Variants in NAV2 observed in about 807,000 individuals in gnomAD.
The protein encoded by NAV2 is neuron navigator 2, also known as helicase, APC down-regulated 1.
A neutral mutation model predicts 223.2 loss-of-function variants in NAV2; 54 were observed. The ratio of observed to expected loss-of-function variants is 0.24; its 90% CI spans 0.19 to 0.30. The LOEUF is 0.30. Ranked by LOEUF, NAV2 falls within the 10% of genes least tolerant of loss-of-function variation. The pLI, the probability that NAV2 is intolerant of heterozygous loss-of-function variation, is 1.00. For missense variants in NAV2, 2,806 were observed against 3,147.5 expected, an observed-to-expected ratio of 0.89 and a Z score of 2.60; for synonymous variants, 1,279 against 1,239.3, an observed-to-expected ratio of 1.03 and a Z score of -0.67.
chr11:20,024,849 C>T (rs2054893862), intron 11 of NAV2, among the ~76,000 whole-genome samples: 1 of 152,196 alleles, frequency 6.6e-6, no homozygotes, highest in South Asian at 2.1e-4. Context: ...CTGTCCCATT[C>T]TACTTAGTTT....
intron 1 of NAV2, among the ~76,000 whole-genome samples, chr11:19,699,781 A>G (rs996530263): frequency 3.3e-5 from 5 of 152,218 alleles, no homozygotes; most frequent in African/African-American, 9.7e-5. Context: ...GACTGCAATG[A>G]GAAAAGTTGA....
Position 19,378,634 on chromosome 11 carries a change from C to T in NAV2, c.75+27607C>T, listed in dbSNP as rs76107703. Reference sequence around the variant, plus strand: ...GCTGGGTGGGGGTGGGGTAGGGAGTCGCTCACGGAGGAGATGCTCCCTGTC... The same window carrying T: ...GCTGGGTGGGGGTGGGGTAGGGAGTTGCTCACGGAGGAGATGCTCCCTGTC... On this transcript the variant is annotated intron_variant, in intron 1 of 37. Transcript: ENST00000360655. Among the ~76,000 whole-genome samples the T allele has an allele frequency of 3.1e-3, 477 of 151,820 alleles. 5 individuals are homozygous for T. Among genetic ancestry groups the T allele is most frequent in the African/African-American group, 0.011 (461 of 41,272 alleles).
In NAV2 at chr11:19,646,398, T is replaced by G. The variant is rs2047817949; in HGVS notation, c.76-186086T>G. Among the ~76,000 whole-genome samples, 2 of 152,192 alleles carry G rather than the reference T, an allele frequency of 1.3e-5. 1 individual carries two copies. The highest frequency in any genetic ancestry group is 4.1e-4 in the South Asian group (2 of 4,826). ...AATATTCTTAACTGCACATCAGGCC[T>G]GTTTGAAATGGGGCAGAGAAAGTTT... is the stretch of plus-strand genomic sequence containing the variant. On this transcript the variant is annotated intron_variant, in intron 1 of 37. Transcript: ENST00000360655.
intron 11 of NAV2, among the ~76,000 whole-genome samples, chr11:20,009,386 C>T (rs749565087): frequency 1.2e-4 from 19 of 152,088 alleles, no homozygotes; most frequent in Non-Finnish European, 2.1e-4. Flanking sequence ...GGCAGGTGCT[C>T]GTTGAACTCA....
intron 17 of NAV2, among the ~76,000 whole-genome samples, chr11:20,053,218 GAAAAAAAAAAAA>G (rs60421659): frequency 4.9e-5 from 2 of 40,974 alleles, no homozygotes; most frequent in Admixed American, 4.7e-4. Flanking sequence ...ACTACGTCTC[GAAAAAAAAAAAA>G]AAAAAAAAAA....
chr11:19,455,971 T>G (rs1564950112), intron 1 of NAV2, among the ~76,000 whole-genome samples: 2 of 152,122 alleles, frequency 1.3e-5, no homozygotes, highest in Non-Finnish European at 2.9e-5. Context: ...AGCCTGACCG[T>G]GCATATTCAT....
At chr11:19,949,374 T>C (rs1045344803) in intron 10 of NAV2, among the ~76,000 whole-genome samples, 1 of 152,192 alleles carries the variant, frequency 6.6e-6, no homozygotes, top group Admixed American at 6.5e-5. Context: ...TACTTGCAGG[T>C]TAGACGGCCT....
At chr11:19,874,334 A>T (rs2062714730) in intron 4 of NAV2, among the ~76,000 whole-genome samples, 1 of 152,202 alleles carries the variant, frequency 6.6e-6, no homozygotes, top group African/African-American at 2.4e-5. Context: ...TTGCCACAAG[A>T]GTGGCCACAG....
At chr11:19,972,109 C>T (rs2049303801) in intron 10 of NAV2, among the ~76,000 whole-genome samples, 1 of 152,212 alleles carries the variant, frequency 6.6e-6, no homozygotes, top group Non-Finnish European at 1.5e-5. Context: ...TGTGGCTTTT[C>T]AGAATCACTG....
chr11:19,837,452 G>T (rs2060294708), intron 2 of NAV2, among the ~76,000 whole-genome samples: 1 of 152,162 alleles, frequency 6.6e-6, no homozygotes, highest in African/African-American at 2.4e-5. Flanking sequence ...CTTATTAGCT[G>T]CAAGGGGAAA....
At chr11:20,009,869 G>A (rs957441136) in intron 11 of NAV2, among the ~76,000 whole-genome samples, 1 of 152,078 alleles carries the variant, frequency 6.6e-6, no homozygotes. Flanking sequence ...CCTCCAGGAA[G>A]CCTTCTCTAC....
chr11:20,004,684 T>C (rs902298075), intron 11 of NAV2, among the ~76,000 whole-genome samples: 2 of 152,334 alleles, frequency 1.3e-5, no homozygotes, highest in African/African-American at 4.8e-5. Flanking sequence ...AGCACCTAAA[T>C]CCACTGGGTT....
intron 1 of NAV2, among the ~76,000 whole-genome samples, chr11:19,694,633 T>G (rs556568032): frequency 9.9e-4 from 151 of 152,342 alleles, no homozygotes; most frequent in African/African-American, 3.5e-3. Context: ...TCTGTAGAAC[T>G]CCCACTGTCA....
intron 1 of NAV2, among the ~76,000 whole-genome samples, chr11:19,633,846 T>C (rs1241357239): frequency 1.3e-5 from 2 of 152,216 alleles, no homozygotes; most frequent in Non-Finnish European, 2.9e-5. Context: ...CAAGCTCTAC[T>C]ACTTACCAGC....
At chr11:20,076,748 C>T (rs2059781229) in intron 22 of NAV2, among the ~76,000 whole-genome samples, 1 of 152,196 alleles carries the variant, frequency 6.6e-6, no homozygotes, top group Admixed American at 6.5e-5. Flanking sequence ...TTTCCCCATT[C>T]TTAAACTTAC....
At chr11:20,105,464 G>C in intron 34 of NAV2, 67 bp from the exon 35 acceptor site, 1 of 1,392,364 alleles carries the variant, frequency 7.2e-7, no homozygotes, top group Non-Finnish European at 1.0e-6. Context: ...ACGTGCTTTG[G>C]TTCCTGAGGT....
At position 19,741,231 on chromosome 11, in the gene NAV2, A is replaced by G. The variant is rs56173223; in HGVS notation, c.267+27269A>G. 3.8e-3 allele frequency among the ~76,000 whole-genome samples: 586 copies of G among 152,288 alleles called. 3 individuals carry two copies. Among genetic ancestry groups the G allele is most frequent in the African/African-American group, 0.013 (560 of 41,558 alleles). On this transcript the variant is annotated intron_variant, in intron 1 of 37. Coordinates refer to ENST00000349880, the MANE Select transcript of NAV2 (RefSeq NM_145117.5). ...GATTACTACAGGGAAGCAATTTCAT[A>G]TGTCCATCATCTCATATAAGTATCT...
At chr11:19,372,236 G>T (rs1226592481) in intron 1 of NAV2, among the ~76,000 whole-genome samples, 1 of 152,182 alleles carries the variant, frequency 6.6e-6, no homozygotes, top group Non-Finnish European at 1.5e-5. Flanking sequence ...TTGTAGAAGA[G>T]GGGTGTCATC....
rs2047165470 is a variant in NAV2 at position 19,949,032 on chromosome 11, A to T, written c.2597A>T (p.Asp866Val). 1 of 1,613,594 alleles carries T rather than the reference A, an allele frequency of 6.2e-7. No homozygotes were observed. Among genetic ancestry groups the T allele is most frequent in the Admixed American group, 1.7e-5 (1 of 59,984 alleles). ...ATGGATGCCCCCGGCTACATGAGCGACGGGGATGTTCTGAGCAAGAACATC... is the reference window on the plus strand; with the variant it reads ...ATGGATGCCCCCGGCTACATGAGCGTCGGGGATGTTCTGAGCAAGAACATC... Reference protein sequence around the residue: ...ISMDAPGYMSDGDVLSKNIRT... With the variant: ...ISMDAPGYMSVGDVLSKNIRT... Residue 866 changes from aspartate to valine, a missense_variant, in exon 10 of 38, where the codon GAC becomes GTC. Physicochemically the swap from Asp to Val is radical, Grantham distance 152 (BLOSUM62 -3). Around this residue, in one of 4 missense-constraint regions of NAV2, gnomAD observed 1,167 missense variants for 1,180.5 expected, o/e 0.99. Transcript: ENST00000349880.
Sources: allele counts gnomAD v4.1 joint callset (sites outside exome capture counted in the v4.1 genomes callset), GRCh38; gene constraint gnomAD v4.1.1; regional missense constraint gnomAD v4.1.1; transcripts MANE v1.5; gene names NCBI Gene and HGNC (gene_info 2026-07-23, HGNC 2026-07-21).